The following PCDH15 variants were observed in gnomAD, a reference collection of about 807,000 sequenced individuals.
PCDH15 encodes the protein protocadherin related 15.
Under a neutral mutation model 178.5 loss-of-function variants are expected in PCDH15, and 129 were observed. The ratio of observed to expected loss-of-function variants is 0.72; its 90% CI spans 0.63 to 0.84. The LOEUF is 0.84. Among genes scored for constraint, PCDH15 ranks in the 40% least tolerant of loss-of-function variants. PCDH15 has a pLI of 0.00. For missense variants in PCDH15, 2,230 were observed against 2,099.9 expected, an observed-to-expected ratio of 1.06 and a Z score of -1.21; for synonymous variants, 800 against 732.0, an observed-to-expected ratio of 1.09 and a Z score of -1.50.
intron 1 of PCDH15, among the ~76,000 whole-genome samples, chr10:54,787,105 A>G (rs1232407040): frequency 6.6e-6 from 1 of 151,840 alleles, no homozygotes; most frequent in Admixed American, 6.6e-5. Context: ...AAAAAACTTG[A>G]TCTTGCTGTA....
intron 3 of PCDH15, among the ~76,000 whole-genome samples, chr10:54,828,237 T>G (rs1051188273): frequency 3.9e-5 from 6 of 151,956 alleles, no homozygotes; most frequent in African/African-American, 1.4e-4. Context: ...GGAGAGATCA[T>G]AAGTCCTGAG....
intron 28 of PCDH15, among the ~76,000 whole-genome samples, chr10:53,853,594 T>C (rs773962759): frequency 3.3e-5 from 5 of 152,000 alleles, no homozygotes; most frequent in Non-Finnish European, 7.4e-5. Context: ...AGTAACCCAA[T>C]TAAAAATGTG....
intron 27 of PCDH15, among the ~76,000 whole-genome samples, chr10:53,865,969 G>C (rs1262543784): frequency 1.3e-5 from 2 of 152,080 alleles, no homozygotes; most frequent in African/African-American, 4.8e-5. Context: ...GAGTCCACAG[G>C]ATATATGCAC....
At chr10:55,262,719 T>C (rs1318817230) in intron 1 of PCDH15, among the ~76,000 whole-genome samples, 2 of 152,098 alleles carry the variant, frequency 1.3e-5, no homozygotes, top group Admixed American at 1.3e-4. Context: ...CTACTTTCAC[T>C]CAACAAAACC....
intron 17 of PCDH15, among the ~76,000 whole-genome samples, chr10:54,075,537 T>C (rs752490920): frequency 6.6e-6 from 1 of 152,232 alleles, no homozygotes; most frequent in African/African-American, 2.4e-5. Flanking sequence ...TTTGTTGTTG[T>C]TGTCTGTGTC....
intron 2 of PCDH15, among the ~76,000 whole-genome samples, chr10:55,134,313 A>G (rs1184211574): frequency 6.6e-6 from 1 of 152,182 alleles, no homozygotes; most frequent in East Asian, 1.9e-4. Context: ...TCTGCTACTT[A>G]AAATATTTGC....
At chr10:54,740,478 A>G (rs1591382109) in intron 1 of PCDH15, among the ~76,000 whole-genome samples, 1 of 152,032 alleles carries the variant, frequency 6.6e-6, no homozygotes, top group South Asian at 2.1e-4. Context: ...GTTCTACTGA[A>G]AACTGAAAAT....
chr10:54,700,348 T>C (rs531545648), intron 1 of PCDH15, among the ~76,000 whole-genome samples: 4 of 152,164 alleles, frequency 2.6e-5, no homozygotes, highest in Admixed American at 2.6e-4. Context: ...TCCCCAGCAA[T>C]GGTTCTTAAC....
Position 55,152,265 on chromosome 10 carries a change from T to C in PCDH15, c.-80+14311A>G, listed in dbSNP as rs187777737. ...AACATAATATTTCTACAGTGAAACA[T>C]GAATATTTACCTCATGTGGATAAAT... On this transcript the variant is annotated intron_variant, in intron 2 of 5. Transcript: ENST00000458638. 6.6e-4 allele frequency among the ~76,000 whole-genome samples: 101 copies of C among 152,240 alleles called. 4 individuals are homozygous for C. The East Asian group carries it at 0.016, about 24-fold the overall frequency.
At chr10:53,999,950 C>T (rs1021431526) in intron 20 of PCDH15, among the ~76,000 whole-genome samples, 5 of 152,146 alleles carry the variant, frequency 3.3e-5, no homozygotes, top group African/African-American at 1.2e-4. Flanking sequence ...CAGTGGGGTC[C>T]ACAGGGGTGC....
At chr10:54,701,372 G>A (rs188162800) in intron 1 of PCDH15, among the ~76,000 whole-genome samples, 28 of 152,036 alleles carry the variant, frequency 1.8e-4, no homozygotes, top group South Asian at 8.3e-4. Flanking sequence ...TACATAAATC[G>A]ACATTCTAAA....
chr10:55,319,236 T>TA (rs1843819231), intron 1 of PCDH15, among the ~76,000 whole-genome samples: 1 of 151,966 alleles, frequency 6.6e-6, no homozygotes, highest in Non-Finnish European at 1.5e-5. Flanking sequence ...ATAACACATA[T>TA]ACAAACCAGA....
At chr10:55,348,433 C>T (rs559918492) in intron 2 of PCDH15, among the ~76,000 whole-genome samples, 1 of 151,876 alleles carries the variant, frequency 6.6e-6, no homozygotes, top group East Asian at 1.9e-4. Context: ...AATAACGAGG[C>T]CCTAATGCTT....
At chr10:54,985,178 G>C (rs999806182) in intron 2 of PCDH15, among the ~76,000 whole-genome samples, 1 of 152,020 alleles carries the variant, frequency 6.6e-6, no homozygotes, top group African/African-American at 2.4e-5. Context: ...TTTAACATTA[G>C]ATTTGCAATA....
chr10:55,028,668 A>G (rs1263816332), intron 2 of PCDH15, among the ~76,000 whole-genome samples: 1 of 152,032 alleles, frequency 6.6e-6, no homozygotes, highest in Non-Finnish European at 1.5e-5. Flanking sequence ...TGAGCATAAA[A>G]GGAATTGACA....
intron 23 of PCDH15, among the ~76,000 whole-genome samples, chr10:53,943,726 A>C (rs1446179503): frequency 6.6e-6 from 1 of 152,102 alleles, no homozygotes; most frequent in Non-Finnish European, 1.5e-5. Context: ...TCTAGACAAA[A>C]TTTCTCCTCA....
chr10:55,598,513 A>AATATATATAT (rs61184409), intron 2 of PCDH15, among the ~76,000 whole-genome samples: 5 of 83,426 alleles, frequency 6.0e-5, no homozygotes, highest in Non-Finnish European at 1.1e-4. Context: ...AGCAAACCCT[A>AATATATATAT]ATATATATAT....
At chr10:54,587,707 C>G (rs1221631896) in intron 2 of PCDH15, among the ~76,000 whole-genome samples, 1 of 152,122 alleles carries the variant, frequency 6.6e-6, no homozygotes, top group African/African-American at 2.4e-5. Context: ...AATCACTATT[C>G]AAACTATTAG....
intron 2 of PCDH15, among the ~76,000 whole-genome samples, chr10:55,578,363 G>T (rs183337534): frequency 1.3e-5 from 2 of 151,810 alleles, no homozygotes; most frequent in Admixed American, 1.3e-4. Flanking sequence ...GATTACAGGC[G>T]CCTGCCACCA....
Sources: allele counts gnomAD v4.1 joint callset (sites outside exome capture counted in the v4.1 genomes callset), GRCh38; gene constraint gnomAD v4.1.1; transcripts MANE v1.5; gene names NCBI Gene and HGNC (gene_info 2026-07-23, HGNC 2026-07-21).